The following NLRP13 variants were observed in gnomAD, a reference collection of about 807,000 sequenced individuals.
NLRP13 encodes the protein NACHT, LRR and PYD domains-containing protein 13.
A neutral mutation model predicts 94.4 loss-of-function variants in NLRP13; 82 were observed. The ratio of observed to expected loss-of-function variants is 0.87; its 90% CI spans 0.73 to 1.04. The LOEUF (loss-of-function observed/expected upper bound fraction) is 1.04. NLRP13 is among the 50% of genes least tolerant of loss of function. The pLI, the probability that NLRP13 is intolerant of heterozygous loss-of-function variation, is 0.00. For missense variants in NLRP13, 1,426 were observed against 1,230.8 expected (o/e 1.16, Z -2.37); for synonymous variants, 553 against 464.7 (o/e 1.19, Z -2.45).
chr19:55,919,865 A>G (rs138492333), intron 4 of NLRP13, among the ~76,000 whole-genome samples: 1 of 152,146 alleles, frequency 6.6e-6, no homozygotes, highest in Non-Finnish European at 1.5e-5. Context: ...AAAGAGCCCT[A>G]ATAGCCAAAA....
chr19:55,912,126 T>G lies in NLRP13; in HGVS notation c.1691A>C (p.Gln564Pro). 3 of 1,614,170 alleles carry G rather than the reference T, an allele frequency of 1.9e-6. No individual in the cohort carries two copies. Among genetic ancestry groups the G allele is most frequent in the Non-Finnish European group, 2.5e-6 (3 of 1,180,018 alleles). Residue 564 changes from glutamine to proline, a missense_variant, in exon 5 of 11, where the codon CAA (glutamine) becomes CCA (proline). Physicochemically the swap from Gln to Pro is moderately conservative, Grantham distance 76 (BLOSUM62 -1). Transcript: ENST00000342929. ...GTGTTGCAGTAACATCTTCATCTCT[T>G]GTGGCTTTGTGGAATGGGGAGGGAA... ...REFPPHSTKP[Q>P]EMKMLLQHVL...
chr19:55,894,327 C>T (rs139356083), downstream of NLRP13, among the ~76,000 whole-genome samples: 1,577 of 152,264 alleles, frequency 0.01, 13 homozygotes, highest in South Asian at 0.017. Context: ...TAGGCATGAG[C>T]AACTGCAGCC....
In NLRP13 at chr19:55,912,097, A is replaced by G. The variant is rs1196215008; in HGVS notation, c.1720T>C (p.Leu574=). The G allele has an allele frequency of 6.2e-7, 1 of 1,614,252 alleles. No individual in the cohort carries two copies. The highest frequency in any genetic ancestry group is 1.1e-5 in the South Asian group (1 of 91,090). ...QEMKMLLQHV[L]LDKEAYWTPV... ...GTCCAGTAGGCTTCTTTGTCAAGCAAGACGTGTTGCAGTAACATCTTCATC... is the reference window on the plus strand; with the variant it reads ...GTCCAGTAGGCTTCTTTGTCAAGCAGGACGTGTTGCAGTAACATCTTCATC... Residue 574 remains leucine (L), a synonymous_variant, in exon 5 of 11, where the codon TTG becomes CTG. Coordinates refer to ENST00000342929, the MANE Select transcript of NLRP13 (RefSeq NM_176810.2).
In NLRP13 at chr19:55,912,402, G is replaced by A. The variant is rs377694493; in HGVS notation, c.1415C>T (p.Ala472Val). 3.1e-6 allele frequency: 5 copies of A among 1,614,128 alleles called. No homozygotes were observed. Among genetic ancestry groups the A allele is most frequent in the Non-Finnish European group, 3.4e-6 (4 of 1,180,022 alleles). ...CCATTGTCCTGGCCAGCTGTCATCT[G>A]CCAAATCTACCTCTGCTGTGGAGAA... is the stretch of plus-strand genomic sequence containing the variant. ...NLFSTAEVDL[A>V]DDSWPGQWRA... The change falls in exon 5 of 11, where the codon GCA becomes GTA. Residue 472 changes from alanine to valine, a missense_variant. Ala to Val is a moderately conservative substitution (Grantham distance 64). Coordinates refer to ENST00000342929, the MANE Select transcript of NLRP13 (RefSeq NM_176810.2).
intron 7 of NLRP13, among the ~76,000 whole-genome samples, chr19:55,906,337 C>CAAAGAAAAAAAAAA (rs1986347149): frequency 1.6e-5 from 1 of 60,982 alleles, no homozygotes; most frequent in Non-Finnish European, 2.8e-5. Flanking sequence ...GACTCCATCT[C>CAAAGAAAAAAAAAA]AAAAAAAAAA....
Position 55,911,855 on chromosome 19 carries a change from C to CAT in NLRP13, c.1960_1961dup (p.Met654IlefsTer26). On this transcript the variant is annotated frameshift_variant, in exon 5 of 11. Coordinates refer to ENST00000342929, the MANE Select transcript of NLRP13 (RefSeq NM_176810.2). LOFTEE classifies it high-confidence loss of function. ...GGTCAACTTCAAAGATACGACCCAA[C>CAT]ATCTTCTTTGTGAAGTCTTCCTCCT... 6 of 1,614,210 alleles carry CAT rather than the reference C, an allele frequency of 3.7e-6. No individual in the cohort carries two copies. Among genetic ancestry groups the CAT allele is most frequent in the Non-Finnish European group, 5.1e-6 (6 of 1,180,034 alleles).
At position 55,904,999 on chromosome 19, in the gene NLRP13, C is replaced by G; in HGVS notation, c.2561G>C (p.Gly854Ala). 4 of 1,613,926 alleles carry G rather than the reference C, an allele frequency of 2.5e-6. No homozygotes were observed. The highest frequency in any genetic ancestry group is 3.4e-6 in the Non-Finnish European group (4 of 1,179,978). Residue 854 changes from glycine (G) to alanine (A), a missense_variant, in exon 8 of 11, where the codon GGC becomes GCC. Transcript: ENST00000342929. ...CAGGGCCGCACACAATAGCTTTATG[C>G]CATCATCTTGGAGCCGATTAAATCC... ...CLGFNRLQDD[G>A]IKLLCAALTH...
intron 4 of NLRP13, among the ~76,000 whole-genome samples, chr19:55,915,238 G>C (rs1013485291): frequency 6.6e-6 from 1 of 152,258 alleles, no homozygotes; most frequent in African/African-American, 2.4e-5. Context: ...AAGTGTTGTG[G>C]ATTAAGGAGG....
chr19:55,902,452 A>C (rs1232454459), intron 8 of NLRP13, among the ~76,000 whole-genome samples: 1 of 151,894 alleles, frequency 6.6e-6, no homozygotes, highest in East Asian at 1.9e-4. Flanking sequence ...TGGTTTAGGA[A>C]AAAATAAAGA....
chr19:55,912,027 G>C lies in NLRP13; in HGVS notation c.1790C>G (p.Ala597Gly). 1 of 1,614,116 alleles carries C rather than the reference G, an allele frequency of 6.2e-7. No homozygotes were observed. The highest frequency in any genetic ancestry group is 8.5e-7 in the Non-Finnish European group (1 of 1,179,990). Residue 597 changes from alanine (A) to glycine (G), a missense_variant, in exon 5 of 11, where the codon GCA becomes GGA. Physicochemically the swap from Ala to Gly is moderately conservative, Grantham distance 60. Transcript: ENST00000342929. ...FFFGLLNKNI[A>G]RELEDTLHCK... ...ATGCAAAGTATCTTCCAGTTCTCTT[G>C]CTATGTTTTTATTTAAAAGACCAAA...
chr19:55,926,563 C>A (rs565935329), intron 1 of NLRP13, among the ~76,000 whole-genome samples: 1 of 152,148 alleles, frequency 6.6e-6, no homozygotes, highest in African/African-American at 2.4e-5. Flanking sequence ...ATTACTCCCC[C>A]CAGGCTCCAT....
intron 1 of NLRP13, among the ~76,000 whole-genome samples, chr19:55,925,514 C>T (rs962875862): frequency 6.6e-6 from 1 of 152,156 alleles, no homozygotes; most frequent in Non-Finnish European, 1.5e-5. Flanking sequence ...GGATTCATCC[C>T]AAGTGTGTAG....
chr19:55,911,635 G>A, intron 5 of NLRP13, 71 bp downstream of exon 5: 1 of 1,387,684 alleles, frequency 7.2e-7, no homozygotes, highest in East Asian at 2.3e-5. Flanking sequence ...CCCTGGTTTT[G>A]CATGAAAGAA....
chr19:55,931,723 AAAGAAAG>A (rs1411592413), intron 1 of NLRP13, among the ~76,000 whole-genome samples: 1 of 103,924 alleles, frequency 9.6e-6, no homozygotes, highest in East Asian at 3.4e-4. Flanking sequence ...AAAAAAAAAA[AAAGAAAG>A]AAAGAAAGAA....
rs1367597085 is a variant in NLRP13, at chr19:55,907,850, T to C, written c.2389A>G (p.Thr797Ala). The part of the protein sequence containing the change: ...LNFSSNKLGM[T>A]VPLILKALRH... ...AAAGCTTTAAGAATCAGGGGGACAGTCATTCCCAGCTTGTTAGAGCTGAAG... is the reference window on the plus strand; with the variant it reads ...AAAGCTTTAAGAATCAGGGGGACAGCCATTCCCAGCTTGTTAGAGCTGAAG... The change falls in exon 7 of 11, where the codon ACT becomes GCT. Residue 797 changes from threonine (T) to alanine (A), a missense_variant. Physicochemically the swap from Thr to Ala is moderately conservative, Grantham distance 58. Coordinates refer to ENST00000342929, the MANE Select transcript of NLRP13 (RefSeq NM_176810.2). The C allele has an allele frequency of 3.1e-6, 5 of 1,613,898 alleles. No homozygotes were observed. The East Asian group carries it at 8.9e-5, about 29-fold the overall frequency.
rs992496952 is a variant in NLRP13 at position 55,902,076 on chromosome 19, A to C, written c.2748T>G (p.Cys916Trp). Reference protein sequence around the residue: ...SLRDEGVKFLCEALGRPDGNL... With the variant: ...SLRDEGVKFLWEALGRPDGNL... ...TACCATCTGGGCGACCCAAGGCCTCACACAGGAACTTGACTCCCTCGTCTC... is the reference window on the plus strand; with the variant it reads ...TACCATCTGGGCGACCCAAGGCCTCCCACAGGAACTTGACTCCCTCGTCTC... The change falls in exon 9 of 11, where the codon TGT becomes TGG. Residue 916 changes from cysteine to tryptophan, a missense_variant. Physicochemically the swap from Cys to Trp is radical, Grantham distance 215. Transcript: ENST00000342929. The C allele has an allele frequency of 1.2e-6, 2 of 1,614,040 alleles. No individual in the cohort carries two copies. The highest frequency in any genetic ancestry group is 1.7e-6 in the Non-Finnish European group (2 of 1,180,014).
chr19:55,910,011 G>A (rs1198917492), intron 6 of NLRP13, among the ~76,000 whole-genome samples: 2 of 152,160 alleles, frequency 1.3e-5, no homozygotes, highest in Admixed American at 6.6e-5. Context: ...TTCTTTGGGA[G>A]ATGCCACCCT....
Position 55,912,583 on chromosome 19 carries a change from G to A in NLRP13, c.1234C>T (p.Leu412=), listed in dbSNP as rs1986553388. 1.2e-6 allele frequency: 2 copies of A among 1,614,148 alleles called. No homozygotes were observed. The highest frequency in any genetic ancestry group is 2.2e-5 in the South Asian group (2 of 91,078). The change falls in exon 5 of 11, where the codon CTA becomes TTA. Residue 412 remains leucine (L), a synonymous_variant. Coordinates refer to ENST00000342929, the MANE Select transcript of NLRP13 (RefSeq NM_176810.2). ...SSEVEKILQQ[L]RKNETLFHSC... The stretch of plus-strand genomic sequence containing the variant: ...TGAAAGAGAGTTTCGTTTTTTCTTA[G>A]CTGCTGCAGGATTTTCTCAACTTCA...
intron 4 of NLRP13, among the ~76,000 whole-genome samples, chr19:55,916,710 C>T (rs893899347): frequency 3.3e-5 from 5 of 152,056 alleles, no homozygotes; most frequent in African/African-American, 4.8e-5. Flanking sequence ...CTTCAAAAGG[C>T]GTGGGACTAC....
Sources: gnomAD v4.1 joint callset for allele counts (sites outside exome capture counted in the v4.1 genomes callset) on GRCh38, gnomAD v4.1.1 for gene constraint, MANE v1.5 for transcripts, NCBI Gene and HGNC (gene_info 2026-07-23, HGNC 2026-07-21) for gene names.